The following PTPRD variants were observed in gnomAD, a reference collection of about 807,000 sequenced individuals.
The protein encoded by PTPRD is protein tyrosine phosphatase receptor type D, also known as receptor-type tyrosine-protein phosphatase delta.
In PTPRD, 34 loss-of-function variants were observed where a neutral mutation model predicts 214.5. That is an observed-to-expected ratio of 0.16 (90% CI 0.12 to 0.21). PTPRD has a LOEUF of 0.21. Ranked by LOEUF, PTPRD falls within the 10% of genes least tolerant of loss-of-function variation. The pLI is 1.00. For synonymous variants in PTPRD, 1,128 were observed against 845.7 expected (o/e 1.33, Z -5.79); for missense variants, 2,545 against 2,398.7 (o/e 1.06, Z -1.27).
intron 11 of PTPRD, among the ~76,000 whole-genome samples, chr9:9,006,940 T>G (rs1046931964): frequency 2.0e-5 from 3 of 152,046 alleles, no homozygotes; most frequent in African/African-American, 7.2e-5. Context: ...TAATAACTCT[T>G]TCTTCCTCTG....
At chr9:9,534,853 C>A (rs2154267138) in intron 8 of PTPRD, among the ~76,000 whole-genome samples, 1 of 152,126 alleles carries the variant, frequency 6.6e-6, no homozygotes, top group East Asian at 1.9e-4. Context: ...GACTACAACT[C>A]TAGCTTCCAT....
intron 11 of PTPRD, among the ~76,000 whole-genome samples, chr9:8,821,833 T>A (rs2097072628): frequency 6.6e-6 from 1 of 152,004 alleles, no homozygotes; most frequent in African/African-American, 2.4e-5. Context: ...CCCCACTAAT[T>A]TTTGTATTTT....
chr9:9,003,764 C>T (rs542851598), intron 11 of PTPRD, among the ~76,000 whole-genome samples: 1 of 152,136 alleles, frequency 6.6e-6, no homozygotes, highest in South Asian at 2.1e-4. Context: ...CCTGTGATAG[C>T]TGGAAAAAGG....
chr9:8,600,871 G>C (rs2094815423), intron 14 of PTPRD, among the ~76,000 whole-genome samples: 1 of 151,948 alleles, frequency 6.6e-6, no homozygotes, highest in South Asian at 2.1e-4. Flanking sequence ...GCTTCTGCTT[G>C]AGAAAAGCAG....
chr9:8,667,270 C>G (rs1780229934), intron 12 of PTPRD, among the ~76,000 whole-genome samples: 1 of 152,156 alleles, frequency 6.6e-6, no homozygotes, highest in Non-Finnish European at 1.5e-5. Context: ...ACACGGGACG[C>G]AGAAGTTGCA....
At chr9:8,763,735 C>T (rs985531977) in intron 11 of PTPRD, among the ~76,000 whole-genome samples, 9 of 150,760 alleles carry the variant, frequency 6.0e-5, no homozygotes, top group African/African-American at 1.9e-4. Flanking sequence ...AAAAGTTTTT[C>T]GTTTTCTAGA....
intron 11 of PTPRD, among the ~76,000 whole-genome samples, chr9:8,878,315 G>A (rs963542466): frequency 6.6e-6 from 1 of 152,036 alleles, no homozygotes; most frequent in Non-Finnish European, 1.5e-5. Flanking sequence ...AATGACTACT[G>A]TACCCATTGT....
chr9:9,253,447 T>G (rs1020152316), intron 9 of PTPRD, among the ~76,000 whole-genome samples: 2 of 152,080 alleles, frequency 1.3e-5, no homozygotes, highest in Non-Finnish European at 2.9e-5. Context: ...TAACAAAAGT[T>G]GGCATATTCA....
At chr9:10,297,739 A>G (rs2095725686) in intron 3 of PTPRD, among the ~76,000 whole-genome samples, 1 of 152,146 alleles carries the variant, frequency 6.6e-6, no homozygotes, top group African/African-American at 2.4e-5. Flanking sequence ...AAGTAAAACT[A>G]TGAGTTTCAA....
chr9:9,250,469 G>A (rs1356503158), intron 9 of PTPRD, among the ~76,000 whole-genome samples: 1 of 152,042 alleles, frequency 6.6e-6, no homozygotes, highest in Non-Finnish European at 1.5e-5. Context: ...CAAACCCTCT[G>A]CCATTAATCA....
intron 3 of PTPRD, among the ~76,000 whole-genome samples, chr9:10,263,692 C>T (rs975590734): frequency 6.6e-6 from 1 of 152,078 alleles, no homozygotes; most frequent in Non-Finnish European, 1.5e-5. Context: ...AAGCAAAATC[C>T]ATTTTCTGGG....
chr9:10,175,103 G>C (rs927595441), intron 3 of PTPRD, among the ~76,000 whole-genome samples: 1 of 151,940 alleles, frequency 6.6e-6, no homozygotes, highest in Admixed American at 6.6e-5. Context: ...TTGCCCTTTG[G>C]GTTAAGAGAG....
chr9:9,650,191 T>A (rs899416286), intron 7 of PTPRD, among the ~76,000 whole-genome samples: 2 of 152,170 alleles, frequency 1.3e-5, no homozygotes, highest in Non-Finnish European at 2.9e-5. Flanking sequence ...ACCACTCTCC[T>A]GTCACCATGT....
intron 7 of PTPRD, among the ~76,000 whole-genome samples, chr9:9,702,148 AAG>A (rs1473499507): frequency 6.6e-6 from 1 of 152,124 alleles, no homozygotes; most frequent in East Asian, 1.9e-4. Context: ...GAGAGAAAGA[AAG>A]AGAGGAAACT....
chr9:8,431,267 T>C (rs1447456220), intron 35 of PTPRD, among the ~76,000 whole-genome samples: 1 of 152,122 alleles, frequency 6.6e-6, no homozygotes, highest in African/African-American at 2.4e-5. Flanking sequence ...TTACAGACCA[T>C]GTTTTCTGTG....
intron 7 of PTPRD, among the ~76,000 whole-genome samples, chr9:9,727,549 C>T (rs945001162): frequency 3.3e-5 from 5 of 152,166 alleles, no homozygotes; most frequent in Non-Finnish European, 1.5e-5. Context: ...TAACTTCCCA[C>T]TAAGTGATCA....
At chr9:9,115,182 G>T (rs1196697655) in intron 10 of PTPRD, among the ~76,000 whole-genome samples, 1 of 152,142 alleles carries the variant, frequency 6.6e-6, no homozygotes, top group African/African-American at 2.4e-5. Context: ...AAGGGAAGAG[G>T]TTTGAAGAAG....
intron 39 of PTPRD, among the ~76,000 whole-genome samples, chr9:8,366,148 C>G (rs879652322): frequency 1.3e-5 from 2 of 152,112 alleles, no homozygotes; most frequent in Non-Finnish European, 2.9e-5. Flanking sequence ...AAGAAATATT[C>G]TCAAAATAAT....
chr9:9,970,149 ATG>A (rs2094987685), intron 4 of PTPRD, among the ~76,000 whole-genome samples: 1 of 152,112 alleles, frequency 6.6e-6, no homozygotes, highest in South Asian at 2.1e-4. Flanking sequence ...AAACCAGCAA[ATG>A]GTTTTAGTCA....
Sources: gnomAD v4.1 joint callset for allele counts (sites outside exome capture counted in the v4.1 genomes callset) on GRCh38, gnomAD v4.1.1 for gene constraint, MANE v1.5 for transcripts, NCBI Gene and HGNC (gene_info 2026-07-23, HGNC 2026-07-21) for gene names.